The following ADAD1 variants were observed in gnomAD, a reference collection of about 807,000 sequenced individuals.
The protein encoded by ADAD1 is adenosine deaminase domain containing 1.
Under a neutral mutation model 66.8 loss-of-function variants are expected in ADAD1, and 46 were observed. The observed-to-expected ratio is 0.69, with a 90% CI of 0.54 to 0.88. The LOEUF (loss-of-function observed/expected upper bound fraction) is 0.88. Among genes scored for constraint, ADAD1 ranks in the 40% least tolerant of loss-of-function variants. The pLI, the probability that ADAD1 is intolerant of heterozygous loss-of-function variation, is 0.00. For synonymous variants in ADAD1, 248 were observed against 229.4 expected (o/e 1.08, Z -0.73); for missense variants, 617 against 681.8 (o/e 0.91, Z 1.06).
At chr4:122,417,598 G>T (rs1362914152) in intron 11 of ADAD1, among the ~76,000 whole-genome samples, 1 of 152,124 alleles carries the variant, frequency 6.6e-6, no homozygotes, top group Non-Finnish European at 1.5e-5. Context: ...TTCAGTTCAT[G>T]GTAGATCAGG....
intron 8 of ADAD1, among the ~76,000 whole-genome samples, chr4:122,409,732 C>T (rs1441061413): frequency 6.6e-6 from 1 of 151,916 alleles, no homozygotes; most frequent in African/African-American, 2.4e-5. Flanking sequence ...CGGAGTCTTA[C>T]GCTGTTGCCC....
At chr4:122,424,015 A>G (rs532536094) in intron 12 of ADAD1, among the ~76,000 whole-genome samples, 133 of 152,312 alleles carry the variant, frequency 8.7e-4, no homozygotes, top group African/African-American at 2.7e-3. Flanking sequence ...TATCTTAACA[A>G]AGCTGTCATA....
At chr4:122,408,745 T>C (rs2150576005) in intron 8 of ADAD1, among the ~76,000 whole-genome samples, 1 of 152,160 alleles carries the variant, frequency 6.6e-6, no homozygotes, top group Admixed American at 6.5e-5. Context: ...TAACCAGGTA[T>C]GGTGGCACAC....
In ADAD1 at chr4:122,379,031, G is replaced by A. The variant is rs567109042; in HGVS notation, c.-167G>A. The stretch of plus-strand genomic sequence containing the variant: ...TTTCTGTAAACAGGAAGGCCACAGT[G>A]GAGGCCAAGCCTTCCCCATGGGCAC... On this transcript the variant is annotated 5_prime_UTR_variant, in exon 1 of 13. Transcript: ENST00000296513. 3.9e-5 allele frequency: 6 copies of A among 152,434 alleles called. No homozygotes were observed. The highest frequency in any genetic ancestry group is 2.0e-4 in the Admixed American group (3 of 15,298). 9.4% of individuals were successfully genotyped at this position (152,434 alleles called of 1,614,324 possible). A position where few individuals can be genotyped will look rare whatever the true frequency, so the allele number is the denominator to read the frequency against.
intron 5 of ADAD1, among the ~76,000 whole-genome samples, chr4:122,389,861 G>A (rs1309962675): frequency 6.6e-6 from 1 of 152,136 alleles, no homozygotes; most frequent in East Asian, 1.9e-4. Context: ...GACATTTAAG[G>A]TTAGTGTTGT....
At chr4:122,382,203 A>G (rs556675635) in intron 4 of ADAD1, among the ~76,000 whole-genome samples, 1 of 152,332 alleles carries the variant, frequency 6.6e-6, no homozygotes, top group South Asian at 2.1e-4. Context: ...ATCAGGACAA[A>G]TCTTCACTGC....
chr4:122,397,084 G>A (rs1207823676), intron 7 of ADAD1, among the ~76,000 whole-genome samples: 1 of 152,098 alleles, frequency 6.6e-6, no homozygotes, highest in Non-Finnish European at 1.5e-5. Context: ...ATAGAAGAAA[G>A]GAAGACATTT....
intron 12 of ADAD1, among the ~76,000 whole-genome samples, chr4:122,427,495 T>A (rs1334077451): frequency 6.6e-6 from 1 of 151,474 alleles, no homozygotes; most frequent in African/African-American, 2.4e-5. Context: ...ACAAGCTGAT[T>A]GTGAAATTGA....
At chr4:122,426,702 C>T (rs1229487587) in intron 12 of ADAD1, among the ~76,000 whole-genome samples, 1 of 152,180 alleles carries the variant, frequency 6.6e-6, no homozygotes, top group African/African-American at 2.4e-5. Context: ...TTATGTAACA[C>T]ACCATATGAA....
At chr4:122,393,467 G>C in intron 5 of ADAD1, 122 bp from the exon 6 acceptor site, 1 of 671,682 alleles carries the variant, frequency 1.5e-6, no homozygotes, top group Non-Finnish European at 2.4e-6. Flanking sequence ...TGATGGCCCA[G>C]AGTTGGCAAA....
At chr4:122,418,842 C>G (rs925097060) in intron 11 of ADAD1, among the ~76,000 whole-genome samples, 1 of 152,170 alleles carries the variant, frequency 6.6e-6, no homozygotes, top group African/African-American at 2.4e-5. Context: ...TACTATCTCA[C>G]ACCAATCAGA....
Position 122,397,298 on chromosome 4 carries a change from A to T in ADAD1, c.724+921A>T, listed in dbSNP as rs377642449. On this transcript the variant is annotated intron_variant, in intron 7 of 12. Transcript: ENST00000296513. ...ATCAGTTAAAGCTGTAATTTCAAACAGTGATAGACCATGGGCTGTAATTGT... is the reference window on the plus strand; with the variant it reads ...ATCAGTTAAAGCTGTAATTTCAAACTGTGATAGACCATGGGCTGTAATTGT... Among the ~76,000 whole-genome samples, 4 of 152,344 alleles carry T rather than the reference A, an allele frequency of 2.6e-5. No homozygotes were observed. The East Asian group carries it at 5.8e-4, about 22-fold the overall frequency.
intron 7 of ADAD1, among the ~76,000 whole-genome samples, chr4:122,397,632 G>T (rs2150556883): frequency 6.6e-6 from 1 of 152,316 alleles, no homozygotes; most frequent in South Asian, 2.1e-4. Context: ...TTATGTGGTT[G>T]TGATGGAGTG....
chr4:122,396,809 C>G (rs942822278), intron 7 of ADAD1, among the ~76,000 whole-genome samples: 4 of 152,154 alleles, frequency 2.6e-5, no homozygotes, highest in African/African-American at 7.2e-5. Context: ...TTGAGTCTTA[C>G]ATTCATCTCT....
At chr4:122,397,281 A>C (rs907629408) in intron 7 of ADAD1, among the ~76,000 whole-genome samples, 3 of 152,202 alleles carry the variant, frequency 2.0e-5, no homozygotes, top group Non-Finnish European at 4.4e-5. Context: ...AGATCAGTTA[A>C]AGCTGTAATT....
intron 4 of ADAD1, 107 bp from the exon 5 acceptor site, chr4:122,383,692 G>A: frequency 8.0e-7 from 1 of 1,245,216 alleles, no homozygotes; most frequent in Non-Finnish European, 1.1e-6. Context: ...GTGTTTATGA[G>A]GTAGTTTTTG....
rs997221041 is a variant in ADAD1 at position 122,408,425 on chromosome 4, G to A, written c.848+394G>A. ...CAAATAGCTGGGATTACAGGCATGCGCCAACACACCCGGCTACTTTTTTGT... is the reference window on the plus strand; with the variant it reads ...CAAATAGCTGGGATTACAGGCATGCACCAACACACCCGGCTACTTTTTTGT... On this transcript the variant is annotated intron_variant, in intron 8 of 12. Transcript: ENST00000296513. 6.6e-5 allele frequency among the ~76,000 whole-genome samples: 10 copies of A among 152,150 alleles called. No individual in the cohort carries two copies. In the East Asian group the frequency reaches 7.7e-4, roughly 12 times the overall value.
At chr4:122,393,501 A>G (rs1580752779) in intron 5 of ADAD1, 88 bp from the exon 6 acceptor site, 3 of 1,260,406 alleles carry the variant, frequency 2.4e-6, no homozygotes, top group East Asian at 2.5e-5. Context: ...AAATTTTTGG[A>G]TTGCTGTTTT....
chr4:122,391,641 C>G (rs964066591), intron 5 of ADAD1, among the ~76,000 whole-genome samples: 4 of 152,218 alleles, frequency 2.6e-5, no homozygotes, highest in African/African-American at 4.8e-5. Context: ...GGCCCTTTGG[C>G]CACAGACTGC....
Sources: gnomAD v4.1 joint callset for allele counts (sites outside exome capture counted in the v4.1 genomes callset) on GRCh38, gnomAD v4.1.1 for gene constraint, MANE v1.5 for transcripts, NCBI Gene and HGNC (gene_info 2026-07-23, HGNC 2026-07-21) for gene names.